The following RGS12 variants were observed in gnomAD, a reference collection of about 807,000 sequenced individuals.
RGS12 encodes regulator of G protein signaling 12.
Under a neutral mutation model 120.1 loss-of-function variants are expected in RGS12, and 66 were observed. That is an observed-to-expected ratio of 0.55 (90% CI 0.45 to 0.67). The LOEUF is 0.67. Among genes scored for constraint, RGS12 ranks in the 30% least tolerant of loss-of-function variants. The probability of loss-of-function intolerance (pLI) is 0.00; values close to 1 mark genes in which losing one functional copy is unlikely to be tolerated. For synonymous variants in RGS12, 827 were observed against 804.7 expected (o/e 1.03, Z -0.47); for missense variants, 1,859 against 1,957.7 (o/e 0.95, Z 0.95).
Position 3,368,559 on chromosome 4 carries a change from ATG to A in RGS12, c.1999-17844_1999-17843del, listed in dbSNP as rs142166328. Among the ~76,000 whole-genome samples, 135 of 56,062 alleles carry A rather than the reference ATG, an allele frequency of 2.4e-3. 1 individual carries two copies. Among genetic ancestry groups the A allele is most frequent in the African/African-American group, 9.1e-3 (125 of 13,702 alleles). 36.8% of individuals were successfully genotyped at this position (56,062 alleles called of 152,430 possible). On this transcript the variant is annotated intron_variant, in intron 3 of 17. Transcript: ENST00000336727. ...TGTGTGGGGTACGTGTGTGGGGTGC[ATG>A]TGTGTGTGTGTGGGGTGCCTGTGTG...
At chr4:3,379,307 A>T (rs1347115867) in intron 3 of RGS12, among the ~76,000 whole-genome samples, 1 of 152,154 alleles carries the variant, frequency 6.6e-6, no homozygotes, top group East Asian at 1.9e-4. Context: ...TGTAGTTAAT[A>T]ATGCTGCATT....
rs537451677 is a variant in RGS12 at position 3,316,358 on chromosome 4, A to T, written c.188A>T (p.Gln63Leu). 81 of 1,612,902 alleles carry T rather than the reference A, an allele frequency of 5.0e-5. No homozygotes were observed. Among genetic ancestry groups the T allele is most frequent in the Middle Eastern group, 3.3e-4 (2 of 6,062 alleles). ...TTCGTGGGCCTCCGAGCTGGAGACC[A>T]GATACTTGCTGTCAATGAAATCAAC... ...ADFVGLRAGD[Q>L]ILAVNEINVK... Residue 63 changes from glutamine (Q) to leucine (L), a missense_variant, in exon 2 of 18, where the codon CAG becomes CTG. Gln to Leu is a moderately radical substitution (Grantham distance 113). Around this residue, in one of 3 missense-constraint regions of RGS12, gnomAD observed 967 missense variants for 994.2 expected, o/e 0.97. Transcript: ENST00000336727.
intron 2 of RGS12, among the ~76,000 whole-genome samples, chr4:3,325,643 C>T (rs1322283321): frequency 1.3e-5 from 2 of 152,178 alleles, no homozygotes; most frequent in African/African-American, 2.4e-5. Flanking sequence ...CCTCCTGAAA[C>T]GGTTCCAGAA....
chr4:3,318,230 G>C (rs1246893857), intron 2 of RGS12, among the ~76,000 whole-genome samples, 179 bp downstream of exon 2: 6 of 152,148 alleles, frequency 3.9e-5, no homozygotes, highest in Admixed American at 3.9e-4. Context: ...GTCTTGCTGG[G>C]ACCTCTTGCC....
intron 3 of RGS12, among the ~76,000 whole-genome samples, chr4:3,355,797 A>G (rs1448720153): frequency 6.8e-6 from 1 of 146,956 alleles, no homozygotes; most frequent in East Asian, 1.9e-4. Flanking sequence ...CTTGTCTCAA[A>G]AAAAAAAAAA....
intron 3 of RGS12, among the ~76,000 whole-genome samples, chr4:3,352,265 G>A (rs76605726): frequency 0.031 from 4,716 of 152,190 alleles, 230 homozygotes; most frequent in African/African-American, 0.1. Flanking sequence ...GATCCCAAAT[G>A]AAGTAAAAAA....
chr4:3,355,794 CAAAAAAAAAA>C lies in RGS12; in HGVS notation c.1998+12754_1998+12763del, dbSNP rs372490658. Among the ~76,000 whole-genome samples, 5 of 58,082 alleles carry C rather than the reference CAAAAAAAAAA, an allele frequency of 8.6e-5. No individual in the cohort carries two copies. In the East Asian group the frequency reaches 1.6e-3, roughly 18 times the overall value. The allele number at this position is 58,082 out of a possible 152,430, so 38.1% of individuals were successfully genotyped here. ...TGGGGGACAAAGTGAGACCTTGTCT[CAAAAAAAAAA>C]AAAAAAAAAAAAGGAAAAAAGAAGA... On this transcript the variant is annotated intron_variant, in intron 3 of 17. Coordinates refer to ENST00000336727, the MANE Select transcript of RGS12 (RefSeq NM_001394154.1).
chr4:3,318,731 G>A (rs1383281833), intron 2 of RGS12, among the ~76,000 whole-genome samples: 3 of 152,212 alleles, frequency 2.0e-5, no homozygotes, highest in Non-Finnish European at 4.4e-5. Flanking sequence ...CCTCTGGAAG[G>A]GACTTTGTCC....
intron 11 of RGS12, 38 bp downstream of exon 11, chr4:3,422,608 C>A: frequency 6.3e-7 from 1 of 1,583,878 alleles, no homozygotes. Context: ...GCCCTCAGGC[C>A]ATGACCTCCC....
chr4:3,391,204 G>GT (rs1272275956), intron 4 of RGS12, among the ~76,000 whole-genome samples: 5 of 152,206 alleles, frequency 3.3e-5, no homozygotes, highest in African/African-American at 1.2e-4. Context: ...ATCACACAGT[G>GT]TATTTGTAGG....
rs1374675669 is a variant in RGS12 at position 3,389,735 on chromosome 4, C to T, written c.2020+3298C>T. Among the ~76,000 whole-genome samples, 1 of 152,310 alleles carries T rather than the reference C, an allele frequency of 6.6e-6. No homozygotes were observed. Among genetic ancestry groups the T allele is most frequent in the Admixed American group, 6.5e-5 (1 of 15,308 alleles). On this transcript the variant is annotated intron_variant, in intron 4 of 17. Transcript: ENST00000336727. This position sits in a 1 kb window ranked among gnomAD's most constrained non-coding sequence, Gnocchi z 5.2. ...AGCGCCCACCTCCTCCTGCGTACGG[C>T]GTCTGTGCCAGCAGGAAAGCCGGGG...
chr4:3,431,539 C>T (rs891333082), intron 17 of RGS12: 22 of 985,804 alleles, frequency 2.2e-5, no homozygotes, highest in Admixed American at 6.1e-5. Flanking sequence ...GCGGGTGTCA[C>T]GGGCATTTCT....
intron 2 of RGS12, chr4:3,342,448 CA>C: frequency 7.8e-7 from 1 of 1,283,760 alleles, no homozygotes; most frequent in Non-Finnish European, 1.0e-6. Flanking sequence ...GTTGGGTCTT[CA>C]GACACCAGCT....
At chr4:3,343,480 G>A (rs1713462848) in intron 3 of RGS12, among the ~76,000 whole-genome samples, 1 of 151,978 alleles carries the variant, frequency 6.6e-6, no homozygotes, top group South Asian at 2.1e-4. Context: ...GCAGTTTTAG[G>A]TTTACAGAAA....
intron 3 of RGS12, among the ~76,000 whole-genome samples, chr4:3,345,562 A>G (rs370527114): frequency 6.6e-5 from 10 of 152,182 alleles, no homozygotes; most frequent in African/African-American, 2.4e-4. Context: ...GTCAGAGCTC[A>G]TTTAGCCACA....
At chr4:3,434,891 A>G (rs1388989652) in intron 17 of RGS12, among the ~76,000 whole-genome samples, 1 of 152,148 alleles carries the variant, frequency 6.6e-6, no homozygotes, top group Non-Finnish European at 1.5e-5. Context: ...GCTGGAGGCC[A>G]GTGGCTCCTC....
At chr4:3,411,647 G>A (rs766771713) in intron 4 of RGS12, among the ~76,000 whole-genome samples, 1 of 152,260 alleles carries the variant, frequency 6.6e-6, no homozygotes, top group Non-Finnish European at 1.5e-5. Flanking sequence ...CAGGATATTA[G>A]GCAAGCACAA....
intron 4 of RGS12, among the ~76,000 whole-genome samples, chr4:3,388,103 G>T (rs1560137375): frequency 6.6e-6 from 1 of 152,132 alleles, no homozygotes; most frequent in East Asian, 1.9e-4. Flanking sequence ...CTGGTGCTAG[G>T]GCTTTCCACC....
chr4:3,317,129 A>G lies in RGS12; in HGVS notation c.959A>G (p.Asn320Ser). Reference protein sequence around the residue: ...RFFGLVTMQTNDDGSLAQEEE... With the variant: ...RFFGLVTMQTSDDGSLAQEEE... ...TTCGGGTTGGTTACCATGCAGACGAATGACGACGGGAGCCTGGCCCAGGAG... is the reference window on the plus strand; with the variant it reads ...TTCGGGTTGGTTACCATGCAGACGAGTGACGACGGGAGCCTGGCCCAGGAG... The change falls in exon 2 of 18, where the codon AAT (asparagine) becomes AGT (serine). Residue 320 changes from asparagine (N) to serine (S), a missense_variant. Transcript: ENST00000336727. 2 of 1,613,930 alleles carry G rather than the reference A, an allele frequency of 1.2e-6. No individual in the cohort carries two copies. The highest frequency in any genetic ancestry group is 1.7e-6 in the Non-Finnish European group (2 of 1,180,006).
Sources: gnomAD v4.1 joint callset for allele counts (sites outside exome capture counted in the v4.1 genomes callset) on GRCh38, gnomAD v4.1.1 for gene constraint, gnomAD v4.1.1 regional missense constraint, Gnocchi (gnomAD v3.1) non-coding constraint, MANE v1.5 for transcripts, NCBI Gene and HGNC (gene_info 2026-07-23, HGNC 2026-07-21) for gene names.